MTMR7: variants seen among roughly 807,000 people sequenced by gnomAD.
The protein encoded by MTMR7 is phosphatidylinositol-3-phosphate phosphatase MTMR7.
Under a neutral mutation model 81.2 loss-of-function variants are expected in MTMR7, and 76 were observed. The ratio of observed to expected loss-of-function variants is 0.94; its 90% confidence interval spans 0.78 to 1.13. The LOEUF is 1.13. Ranked by LOEUF, MTMR7 falls within the 50% of genes most tolerant of loss-of-function variation. The pLI, the probability that MTMR7 is intolerant of heterozygous loss-of-function variation, is 0.00. For missense variants in MTMR7, 1,044 were observed against 820.0 expected (o/e 1.27, Z -3.34); for synonymous variants, 372 against 289.8 (o/e 1.28, Z -2.88).
chr8:17,390,976 T>C (rs767394853), intron 1 of MTMR7, among the ~76,000 whole-genome samples: 29 of 152,216 alleles, frequency 1.9e-4, no homozygotes, highest in Non-Finnish European at 4.1e-4. Context: ...CCCAGGGAAG[T>C]CTTCTCTAAT....
At chr8:17,396,628 G>A (rs1418954867) in intron 1 of MTMR7, among the ~76,000 whole-genome samples, 1 of 152,016 alleles carries the variant, frequency 6.6e-6, no homozygotes, top group South Asian at 2.1e-4. Flanking sequence ...CCAGGTCCTC[G>A]GTAAATCTGA....
chr8:17,302,455 G>C (rs1586131298), intron 12 of MTMR7, 175 bp from the exon 13 acceptor site: 3 of 622,768 alleles, frequency 4.8e-6, no homozygotes, highest in East Asian at 3.0e-5. Context: ...TTTTTTTCTT[G>C]GGTCAGTAAA....
chr8:17,408,906 C>T (rs2150589202), intron 1 of MTMR7, among the ~76,000 whole-genome samples: 1 of 152,186 alleles, frequency 6.6e-6, no homozygotes, highest in Admixed American at 6.5e-5. Context: ...GTGATGTCTG[C>T]ACAATATGTA....
intron 1 of MTMR7, among the ~76,000 whole-genome samples, chr8:17,385,329 A>T (rs967638988): frequency 6.6e-6 from 1 of 151,914 alleles, no homozygotes; most frequent in African/African-American, 2.4e-5. Context: ...CTCATCTTCA[A>T]TTGTAGCTCT....
chr8:17,403,276 G>A (rs1268684479), intron 1 of MTMR7, among the ~76,000 whole-genome samples: 2 of 152,096 alleles, frequency 1.3e-5, no homozygotes, highest in Non-Finnish European at 2.9e-5. Flanking sequence ...TATGGGTCTA[G>A]TTTCATTCTT....
intron 2 of MTMR7, 117 bp from the exon 3 acceptor site, chr8:17,371,316 G>T: frequency 8.6e-7 from 1 of 1,166,842 alleles, no homozygotes; most frequent in Non-Finnish European, 1.2e-6. Context: ...CCTCCAGCTA[G>T]CTCAACCCTT....
At chr8:17,319,135 G>A (rs10090731) in intron 7 of MTMR7, among the ~76,000 whole-genome samples, 39,204 of 152,096 alleles carry the variant, frequency 0.26, 5,423 homozygotes, top group Non-Finnish European at 0.31. Context: ...GCAATAGCAC[G>A]TAGCAATGTT....
intron 7 of MTMR7, among the ~76,000 whole-genome samples, chr8:17,327,271 A>G (rs1402567490): frequency 2.0e-5 from 3 of 152,040 alleles, no homozygotes; most frequent in Non-Finnish European, 2.9e-5. Context: ...GCATGTCTAT[A>G]TCTTATTTTA....
chr8:17,357,108 CTA>C (rs898734818), intron 4 of MTMR7, among the ~76,000 whole-genome samples: 3 of 152,088 alleles, frequency 2.0e-5, no homozygotes, highest in East Asian at 1.9e-4. Context: ...ATTTTTAAAA[CTA>C]TGTTATATTT....
In MTMR7 at chr8:17,311,523, C is replaced by T. The variant is rs1428052614; in HGVS notation, c.1089G>A (p.Leu363=). ...SLLLDPHYRT[L]KGFMVLIEKD... ...TGGCCACACTCACCATGAAGCCCTT[C>T]AGAGTCCGGTAGTGAGGGTCCAGCA... Residue 363 remains leucine (L), a synonymous_variant, in exon 9 of 14, where the codon CTG becomes CTA. Transcript: ENST00000180173. 1 of 1,614,032 alleles carries T rather than the reference C, an allele frequency of 6.2e-7. No individual in the cohort carries two copies. The highest frequency in any genetic ancestry group is 8.5e-7 in the Non-Finnish European group (1 of 1,180,038).
chr8:17,347,832 A>AGG (rs3040968), intron 5 of MTMR7, among the ~76,000 whole-genome samples: 17,747 of 152,106 alleles, frequency 0.12, 2,593 homozygotes, highest in East Asian at 0.39. Flanking sequence ...GATGAAAGGG[A>AGG]GGTGTCACGT....
At chr8:17,394,165 A>G (rs151120932) in intron 1 of MTMR7, among the ~76,000 whole-genome samples, 30 of 152,362 alleles carry the variant, frequency 2.0e-4, no homozygotes, top group African/African-American at 7.2e-4. Flanking sequence ...ATGCATTAAC[A>G]TATGATGTAA....
chr8:17,401,528 C>T (rs931168922), intron 1 of MTMR7, among the ~76,000 whole-genome samples: 1 of 152,046 alleles, frequency 6.6e-6, no homozygotes, highest in Non-Finnish European at 1.5e-5. Flanking sequence ...TTATATTTAA[C>T]AGTATCTCTG....
Position 17,304,367 on chromosome 8 carries a change from G to C in MTMR7, c.1493+12C>G. On this transcript the variant is annotated intron_variant, in intron 12 of 13. Coordinates refer to ENST00000180173, the MANE Select transcript of MTMR7 (RefSeq NM_004686.5). ...CATACCATGGCTACAAAGTTACCAA[G>C]GATTTACATACTTGTACATGAAGTT... 1 of 1,607,552 alleles carries C rather than the reference G, an allele frequency of 6.2e-7. No individual in the cohort carries two copies. The highest frequency in any genetic ancestry group is 1.3e-5 in the African/African-American group (1 of 74,940).
intron 12 of MTMR7, among the ~76,000 whole-genome samples, chr8:17,303,411 T>G (rs1373152544): frequency 1.3e-5 from 2 of 152,146 alleles, no homozygotes; most frequent in Non-Finnish European, 2.9e-5. Flanking sequence ...ATCAAGTCTG[T>G]GTCGGGAGTG....
rs1014254951 is a variant in MTMR7 at position 17,331,055 on chromosome 8, A to G, written c.865+95T>C. 5.6e-6 allele frequency: 8 copies of G among 1,420,996 alleles called. No individual in the cohort carries two copies. The African/African-American group carries it at 1.2e-4, about 21-fold the overall frequency. 88.0% of individuals were successfully genotyped at this position (1,420,996 alleles called of 1,614,324 possible). ...ATATTCTTCCCAAATTATCACACCT[A>G]TGTAAAAACATTTTAAAATCAAGAC... On this transcript the variant is annotated intron_variant, in intron 7 of 13. Transcript: ENST00000180173.
At chr8:17,308,059 A>C (rs58048397) in intron 10 of MTMR7, among the ~76,000 whole-genome samples, 7 of 151,634 alleles carry the variant, frequency 4.6e-5, no homozygotes, top group Admixed American at 3.3e-4. Context: ...AAAAATAAAA[A>C]TAAAATGAGG....
intron 3 of MTMR7, among the ~76,000 whole-genome samples, chr8:17,362,536 T>C (rs1029197965): frequency 6.6e-6 from 1 of 152,238 alleles, no homozygotes; most frequent in African/African-American, 2.4e-5. Flanking sequence ...ACTCCCTCCC[T>C]CAGAGTCACA....
intron 1 of MTMR7, among the ~76,000 whole-genome samples, chr8:17,398,540 G>A (rs566216611): frequency 7.9e-5 from 12 of 152,114 alleles, no homozygotes; most frequent in Middle Eastern, 3.4e-3. Flanking sequence ...AAAACAATGA[G>A]GCATGCCTAC....
Sources: allele counts gnomAD v4.1 joint callset (sites outside exome capture counted in the v4.1 genomes callset), GRCh38; gene constraint gnomAD v4.1.1; transcripts MANE v1.5; gene names NCBI Gene and HGNC (gene_info 2026-07-23, HGNC 2026-07-21).